CDH4: variants seen among roughly 807,000 people sequenced by gnomAD.
CDH4 encodes the protein cadherin 4.
In CDH4, 33 loss-of-function variants were observed where a neutral mutation model predicts 86.0. The observed-to-expected ratio is 0.38, with a 90% confidence interval of 0.29 to 0.51. The LOEUF (loss-of-function observed/expected upper bound fraction) is 0.51, where lower values mean the gene tolerates loss of function less well. Among genes scored for constraint, CDH4 ranks in the 20% least tolerant of loss-of-function variants. CDH4 has a pLI of 0.86. For missense variants in CDH4, 1,114 were observed against 1,307.4 expected (o/e 0.85, Z 2.28); for synonymous variants, 555 against 549.4 (o/e 1.01, Z -0.14).
chr20:61,418,807 G>C (rs1568837173), intron 2 of CDH4, among the ~76,000 whole-genome samples: 1 of 152,156 alleles, frequency 6.6e-6, no homozygotes, highest in Non-Finnish European at 1.5e-5. Context: ...AGGATGTCCA[G>C]GCTGCAGTGA....
intron 2 of CDH4, among the ~76,000 whole-genome samples, chr20:61,664,222 G>A (rs530763036): frequency 6.6e-6 from 1 of 152,332 alleles, no homozygotes; most frequent in Non-Finnish European, 1.5e-5. Flanking sequence ...GTCCAAGGCA[G>A]ACCCTGGGCC....
chr20:61,761,271 A>G (rs184463653), intron 3 of CDH4, among the ~76,000 whole-genome samples: 2 of 152,330 alleles, frequency 1.3e-5, no homozygotes, highest in African/African-American at 2.4e-5. Context: ...ACCCAAAGCT[A>G]TAAGGAAGCA....
chr20:61,863,853 GC>G (rs1482832969), intron 6 of CDH4, among the ~76,000 whole-genome samples: 2 of 152,296 alleles, frequency 1.3e-5, no homozygotes, highest in Admixed American at 1.3e-4. Flanking sequence ...GGCCACAGAG[GC>G]TCCTGCGGAT....
At chr20:61,825,731 G>A (rs1981279011) in intron 4 of CDH4, among the ~76,000 whole-genome samples, 1 of 152,154 alleles carries the variant, frequency 6.6e-6, no homozygotes, top group Non-Finnish European at 1.5e-5. Flanking sequence ...ATGCTCCAAG[G>A]CATTGCTGTT....
rs185535145 is a variant in CDH4 at position 61,337,051 on chromosome 20, C to T, written c.169+82114C>T. 7.1e-4 allele frequency among the ~76,000 whole-genome samples: 108 copies of T among 152,130 alleles called. 1 individual carries two copies. The highest frequency in any genetic ancestry group is 1.1e-3 in the Non-Finnish European group (72 of 67,996). On this transcript the variant is annotated intron_variant, in intron 2 of 15. Coordinates refer to ENST00000614565, the MANE Select transcript of CDH4 (RefSeq NM_001794.5). ...GTTCACAGCAAGGGCTGGAGACAGGCCTGGGTTGGAATCCTGACTCAACTG... is the reference window on the plus strand; with the variant it reads ...GTTCACAGCAAGGGCTGGAGACAGGTCTGGGTTGGAATCCTGACTCAACTG...
At chr20:61,864,386 C>T (rs1415266148) in intron 6 of CDH4, among the ~76,000 whole-genome samples, 1 of 152,246 alleles carries the variant, frequency 6.6e-6, no homozygotes, top group Non-Finnish European at 1.5e-5. Context: ...CCTGGTTTCG[C>T]CCACTTCCCT....
At chr20:61,282,302 T>G (rs553798467) in intron 2 of CDH4, among the ~76,000 whole-genome samples, 9 of 152,166 alleles carry the variant, frequency 5.9e-5, no homozygotes, top group Non-Finnish European at 1.2e-4. Flanking sequence ...GAGGTTTCAG[T>G]GAGCCAAGAT....
chr20:61,376,739 G>T (rs1202424201), intron 2 of CDH4, among the ~76,000 whole-genome samples: 2 of 152,202 alleles, frequency 1.3e-5, no homozygotes, highest in Non-Finnish European at 2.9e-5. Context: ...CAGACCCCCA[G>T]GCAAGCCCTG....
chr20:61,784,774 A>G (rs6121807), intron 4 of CDH4, among the ~76,000 whole-genome samples: 33,121 of 101,640 alleles, frequency 0.33, 7,141 homozygotes, highest in East Asian at 0.49. Flanking sequence ...AGTTCCTCGG[A>G]ACAGTTCTCC....
chr20:61,903,236 G>A (rs946584601), intron 8 of CDH4, among the ~76,000 whole-genome samples: 10 of 152,100 alleles, frequency 6.6e-5, no homozygotes, highest in African/African-American at 2.4e-4. Context: ...GCTCCTCAGA[G>A]GTTAATCTAC....
chr20:61,636,235 G>A (rs2086945176), intron 2 of CDH4, among the ~76,000 whole-genome samples: 1 of 152,108 alleles, frequency 6.6e-6, no homozygotes, highest in Non-Finnish European at 1.5e-5. Flanking sequence ...TTAAACTTCA[G>A]ACCATGAATC....
intron 2 of CDH4, among the ~76,000 whole-genome samples, chr20:61,490,041 T>C (rs2145587394): frequency 1.3e-5 from 2 of 152,358 alleles, no homozygotes; most frequent in Admixed American, 1.3e-4. Context: ...AAATTCCTGG[T>C]TGATGACCAT....
At chr20:61,590,877 G>GCGC (rs1555811632) in intron 2 of CDH4, among the ~76,000 whole-genome samples, 10 of 7,406 alleles carry the variant, frequency 1.4e-3, no homozygotes, top group Non-Finnish European at 7.6e-4. Context: ...CTAAATCTAT[G>GCGC]GGGGGGGGGG....
chr20:61,729,767 A>C (rs6061336), intron 2 of CDH4, among the ~76,000 whole-genome samples: 138,210 of 152,262 alleles, frequency 0.91, 63,163 homozygotes, highest in African/African-American at 0.94. Flanking sequence ...TTCTCATCAG[A>C]GAGAGATGCA....
intron 2 of CDH4, among the ~76,000 whole-genome samples, chr20:61,730,470 G>A (rs1174833719): frequency 2.0e-5 from 3 of 152,228 alleles, no homozygotes; most frequent in South Asian, 2.1e-4. Context: ...CTCCATGTCT[G>A]GGGGCCTGAT....
At chr20:61,402,252 C>T (rs549286839) in intron 2 of CDH4, among the ~76,000 whole-genome samples, 13 of 152,342 alleles carry the variant, frequency 8.5e-5, no homozygotes, top group Non-Finnish European at 1.5e-5. Context: ...TACCTATGCA[C>T]ATCCTCCCAT....
chr20:61,914,145 C>A (rs1442202677), intron 9 of CDH4, among the ~76,000 whole-genome samples: 1 of 152,202 alleles, frequency 6.6e-6, no homozygotes, highest in African/African-American at 2.4e-5. Context: ...ATTGAGGGGC[C>A]TGTGAAAGGA....
rs944255 is a variant in CDH4 at position 61,684,223 on chromosome 20, A to G, written c.170-59340A>G. 0.25 allele frequency among the ~76,000 whole-genome samples: 38,153 copies of G among 151,976 alleles called. 6,643 individuals are homozygous for G. Among genetic ancestry groups the G allele is most frequent in the African/African-American group, 0.48 (19,723 of 41,378 alleles). ...TGCTGCTGGTGAAGGAGGCCGTCGG[A>G]GTGCTGTGAATGAGGGGGACTGGCC... On this transcript the variant is annotated intron_variant, in intron 2 of 15. Transcript: ENST00000614565. The surrounding 1 kb of genome is among the most constrained non-coding windows in gnomAD (Gnocchi z 4.5).
At position 61,676,667 on chromosome 20, in the gene CDH4, C is replaced by T. The variant is rs555484754; in HGVS notation, c.170-66896C>T. Among the ~76,000 whole-genome samples the T allele has an allele frequency of 5.3e-5, 8 of 152,226 alleles. No homozygotes were observed. The highest frequency in any genetic ancestry group is 6.5e-5 in the Admixed American group (1 of 15,284). On this transcript the variant is annotated intron_variant, in intron 2 of 15. Transcript: ENST00000614565. This position sits in a 1 kb window ranked among gnomAD's most constrained non-coding sequence, Gnocchi z 4.5. ...TCTGCACATGCCCTCAACAAACAAA[C>T]TCAATCCCACACACCCCCAGGAGCC...
Sources: gnomAD v4.1 joint callset for allele counts (sites outside exome capture counted in the v4.1 genomes callset) on GRCh38, gnomAD v4.1.1 for gene constraint, Gnocchi (gnomAD v3.1) non-coding constraint, MANE v1.5 for transcripts, NCBI Gene and HGNC (gene_info 2026-07-23, HGNC 2026-07-21) for gene names.